Variants in HLTF observed in about 807,000 individuals in gnomAD.
The protein encoded by HLTF is DNA-dependent ATPase/E3 ubiquitin-protein ligase HLTF.
HLTF carries 127 observed loss-of-function variants against 129.4 expected under a neutral mutation model. The observed-to-expected ratio is 0.98, with a 90% CI of 0.85 to 1.14. The LOEUF is 1.14. HLTF is among the 50% of genes most tolerant of loss of function. HLTF has a pLI of 0.00. For missense variants in HLTF, 1,139 were observed against 1,187.1 expected (o/e 0.96, Z 0.60); for synonymous variants, 332 against 388.8 (o/e 0.85, Z 1.72).
At chr3:149,055,798 C>G (rs569428758) in intron 13 of HLTF, among the ~76,000 whole-genome samples, 1 of 152,316 alleles carries the variant, frequency 6.6e-6, no homozygotes, top group Admixed American at 6.5e-5. Flanking sequence ...TCCTCCCATA[C>G]TCCACCAGGA....
At chr3:149,080,081 C>T (rs1362785287) in intron 2 of HLTF, among the ~76,000 whole-genome samples, 4 of 151,762 alleles carry the variant, frequency 2.6e-5, no homozygotes, top group African/African-American at 9.7e-5. Flanking sequence ...GTATTGGAGG[C>T]CAGACCCAAA....
chr3:149,048,296 A>C (rs1223437753), intron 16 of HLTF, 133 bp from the exon 17 acceptor site: 1 of 546,244 alleles, frequency 1.8e-6, no homozygotes, highest in Non-Finnish European at 3.1e-6. Context: ...AATTAAATTA[A>C]ACTATCAAGT....
At chr3:149,059,474 T>TGA (rs1302046628) in intron 13 of HLTF, 1 of 491,942 alleles carries the variant, frequency 2.0e-6, no homozygotes, top group African/African-American at 2.0e-5. Flanking sequence ...ATATCTCTGC[T>TGA]ATTCAGAGGA....
At chr3:149,069,140 T>G (rs1718640817) in intron 7 of HLTF, among the ~76,000 whole-genome samples, 1 of 151,320 alleles carries the variant, frequency 6.6e-6, no homozygotes, top group South Asian at 2.1e-4. Context: ...CATCATATTC[T>G]TAACTGCCAC....
intron 14 of HLTF, among the ~76,000 whole-genome samples, chr3:149,053,928 A>C (rs1300392270): frequency 6.6e-6 from 1 of 152,228 alleles, no homozygotes; most frequent in Admixed American, 6.5e-5. Context: ...AAATTAAAGA[A>C]AGAACAGTTT....
rs532126777 is a variant in HLTF at position 149,048,936 on chromosome 3, G to A, written c.1683C>T (p.Ala561=). Residue 561 remains alanine (A), a synonymous_variant, in exon 16 of 25, where the codon GCC becomes GCT. Coordinates refer to ENST00000310053, the MANE Select transcript of HLTF (RefSeq NM_003071.4). ...WLRVILDEGH[A]IRNPNAQQTK... is the part of the protein sequence containing the mutation. Reference sequence around the variant, plus strand: ...TCTGCTGAGCATTTGGATTTCGTATGGCATGTCCTTCATCCAGGATCACTC... The same window carrying A: ...TCTGCTGAGCATTTGGATTTCGTATAGCATGTCCTTCATCCAGGATCACTC... 2.5e-6 allele frequency: 4 copies of A among 1,610,594 alleles called. No individual in the cohort carries two copies. Among genetic ancestry groups the A allele is most frequent in the Middle Eastern group, 1.7e-4 (1 of 6,054 alleles).
chr3:149,069,000 T>C (rs917217074), intron 7 of HLTF, among the ~76,000 whole-genome samples: 2 of 152,140 alleles, frequency 1.3e-5, no homozygotes, highest in South Asian at 2.1e-4. Context: ...ACTGTTTTTA[T>C]AATACTACTA....
intron 6 of HLTF, 27 bp downstream of exon 6, chr3:149,071,556 C>A: frequency 1.3e-6 from 2 of 1,522,214 alleles, no homozygotes; most frequent in Non-Finnish European, 1.8e-6. Flanking sequence ...TCTGAGTAGT[C>A]TTAAATAAAA....
rs1716523294 is a variant in HLTF, at chr3:149,046,087, T to C, written c.2065A>G (p.Ile689Val). The C allele has an allele frequency of 6.2e-7, 1 of 1,606,104 alleles. No individual in the cohort carries two copies. Among genetic ancestry groups the C allele is most frequent in the Non-Finnish European group, 8.5e-7 (1 of 1,176,878 alleles). ...GGTTTTCTTTCTCCATACCTTCCAA[T>C]AGTGGCTCTGCCTTCATTTTTCACA... ...QSVKNEGRAT[I>V]GRYFNEGTVL... Residue 689 changes from isoleucine to valine, a missense_variant, in exon 18 of 25, where the codon ATT becomes GTT. Physicochemically the swap from Ile to Val is conservative, Grantham distance 29. Transcript: ENST00000310053.
chr3:149,039,514 TG>T, intron 22 of HLTF, 66 bp downstream of exon 22: 1 of 753,540 alleles, frequency 1.3e-6, no homozygotes, highest in Non-Finnish European at 2.1e-6. Context: ...TTTTTTTTTT[TG>T]CTATCCAAAT....
Position 149,074,332 on chromosome 3 carries a change from CACCAAAAGGAACT to C in HLTF, c.399_411del (p.Val134GlnfsTer11). 6.2e-7 allele frequency: 1 copy of C among 1,611,458 alleles called. No individual in the cohort carries two copies. The highest frequency in any genetic ancestry group is 2.2e-5 in the East Asian group (1 of 44,786). On this transcript the variant is annotated frameshift_variant, in exon 4 of 25. Coordinates refer to ENST00000310053, the MANE Select transcript of HLTF (RefSeq NM_003071.4). LOFTEE classifies it high-confidence loss of function. The stretch of plus-strand genomic sequence containing the variant: ...AGAGGCATGGTAAAAGCATTGTTTG[CACCAAAAGGAACT>C]ACCCTATTATATTTGGGAGAAAAAG...
At chr3:149,078,465 G>C (rs779606910) in intron 2 of HLTF, among the ~76,000 whole-genome samples, 1 of 152,138 alleles carries the variant, frequency 6.6e-6, no homozygotes, top group Non-Finnish European at 1.5e-5. Context: ...TGGGAGGACT[G>C]CTTGAATGCA....
At chr3:149,070,373 G>A (rs1190330196) in intron 7 of HLTF, among the ~76,000 whole-genome samples, 1 of 152,200 alleles carries the variant, frequency 6.6e-6, no homozygotes, top group African/African-American at 2.4e-5. Context: ...GTGCAAAAAT[G>A]TGACAATGCC....
rs1716345898 is a variant in HLTF at position 149,044,106 on chromosome 3, G to A, written c.2073-1816C>T. ...CACTCACTAGCTGTGTGACAACAGT[G>A]TAAGTCACCTAAACTGCTCTGTGCC... is the stretch of plus-strand genomic sequence containing the variant. On this transcript the variant is annotated intron_variant, in intron 18 of 24. Coordinates refer to ENST00000310053, the MANE Select transcript of HLTF (RefSeq NM_003071.4). 3.9e-5 allele frequency among the ~76,000 whole-genome samples: 6 copies of A among 152,206 alleles called. No homozygotes were observed. In the South Asian group the frequency reaches 1.2e-3, roughly 32 times the overall value.
chr3:149,039,146 G>C lies in HLTF; in HGVS notation c.2699C>G (p.Thr900Ser), dbSNP rs191712038. 29 of 1,612,494 alleles carry C rather than the reference G, an allele frequency of 1.8e-5. 1 individual carries two copies. In the East Asian group the frequency reaches 5.1e-4, roughly 29 times the overall value. ...CATTATAGTTGGAGATCCTGCTTCAGTGTTTTGAAAACACTGAATTGATTC... is the reference window on the plus strand; with the variant it reads ...CATTATAGTTGGAGATCCTGCTTCACTGTTTTGAAAACACTGAATTGATTC... ...RVESIQCFQN[T>S]EAGSPTIMLL... The change falls in exon 23 of 25, where the codon ACT becomes AGT. Residue 900 changes from threonine to serine, a missense_variant. Coordinates refer to ENST00000310053, the MANE Select transcript of HLTF (RefSeq NM_003071.4).
intron 1 of HLTF, among the ~76,000 whole-genome samples, chr3:149,085,771 G>T (rs1204865250): frequency 6.6e-6 from 1 of 152,180 alleles, no homozygotes; most frequent in Non-Finnish European, 1.5e-5. Context: ...TTTCGGGAAT[G>T]ACCATAAATA....
chr3:149,062,456 G>A (rs1291079713), intron 10 of HLTF, among the ~76,000 whole-genome samples: 1 of 152,208 alleles, frequency 6.6e-6, no homozygotes, highest in East Asian at 1.9e-4. Flanking sequence ...AACATAGCCA[G>A]TTTCAAAACC....
rs1397899366 is a variant in HLTF at position 149,076,988 on chromosome 3, C to T, written c.229-941G>A. On this transcript the variant is annotated intron_variant, in intron 2 of 24. Coordinates refer to ENST00000310053, the MANE Select transcript of HLTF (RefSeq NM_003071.4). ...AATAGCTCACGGCCAGGCACAGTAG[C>T]TCACGCCCCCAGCACTTTGGGAGGC... Among the ~76,000 whole-genome samples, 4 of 152,112 alleles carry T rather than the reference C, an allele frequency of 2.6e-5. No individual in the cohort carries two copies. The East Asian group carries it at 5.8e-4, about 22-fold the overall frequency.
chr3:149,079,794 T>C (rs902065510), intron 2 of HLTF, among the ~76,000 whole-genome samples: 5 of 152,044 alleles, frequency 3.3e-5, no homozygotes, highest in East Asian at 1.9e-4. Flanking sequence ...GGTTTCACCA[T>C]GTTGGCCAGG....
Sources: gnomAD v4.1 joint callset for allele counts (sites outside exome capture counted in the v4.1 genomes callset) on GRCh38, gnomAD v4.1.1 for gene constraint, MANE v1.5 for transcripts, NCBI Gene and HGNC (gene_info 2026-07-23, HGNC 2026-07-21) for gene names.